The following ANO6 variants were observed in gnomAD, a reference collection of about 807,000 sequenced individuals.
ANO6 encodes the protein anoctamin-6.
Under a neutral mutation model 117.5 loss-of-function variants are expected in ANO6, and 106 were observed. That is an observed-to-expected ratio of 0.90 (90% CI 0.77 to 1.06). ANO6 has a LOEUF of 1.06. Among genes scored for constraint, ANO6 ranks in the 50% least tolerant of loss-of-function variants. The pLI is 0.00. For missense variants in ANO6, 955 were observed against 1,121.1 expected (o/e 0.85, Z 2.12); for synonymous variants, 367 against 385.1 (o/e 0.95, Z 0.55).
intron 4 of ANO6, 100 bp downstream of exon 4, chr12:45,347,187 G>T: frequency 8.9e-7 from 1 of 1,119,196 alleles, no homozygotes. Context: ...TGCAGCCCTG[G>T]CCACATCTTA....
intron 2 of ANO6, among the ~76,000 whole-genome samples, chr12:45,318,655 G>T (rs1041807241): frequency 6.6e-6 from 1 of 152,000 alleles, no homozygotes; most frequent in Admixed American, 6.6e-5. Context: ...TTCCAATTCT[G>T]TGAAGAAAGT....
intron 2 of ANO6, among the ~76,000 whole-genome samples, chr12:45,306,841 G>A (rs1312874665): frequency 6.6e-6 from 1 of 151,492 alleles, no homozygotes; most frequent in African/African-American, 2.4e-5. Flanking sequence ...GTGTTGGGGG[G>A]GTGGTGACAG....
At chr12:45,258,834 C>T (rs749615154) in intron 1 of ANO6, among the ~76,000 whole-genome samples, 8 of 152,164 alleles carry the variant, frequency 5.3e-5, no homozygotes, top group Non-Finnish European at 1.2e-4. Flanking sequence ...CTGTAAACTA[C>T]GAGCTGGAAA....
chr12:45,440,122 T>C, exon 20 of ANO6: 1 of 511,752 alleles, frequency 2.0e-6, no homozygotes, highest in Non-Finnish European at 3.0e-6. Context: ...ATGTATAGTT[T>C]TTTGTTGTTG....
chr12:45,324,125 C>T (rs968661695), intron 2 of ANO6, among the ~76,000 whole-genome samples: 123 of 151,856 alleles, frequency 8.1e-4, no homozygotes, highest in African/African-American at 2.6e-3. Context: ...TTAGTAGAGA[C>T]GGAGTTTCTC....
intron 1 of ANO6, among the ~76,000 whole-genome samples, chr12:45,230,231 G>C (rs1252628455): frequency 2.0e-5 from 3 of 152,050 alleles, no homozygotes; most frequent in African/African-American, 7.2e-5. Flanking sequence ...TAGGCAATCA[G>C]TAAGTTTTTG....
intron 1 of ANO6, among the ~76,000 whole-genome samples, chr12:45,255,700 G>A (rs753589004): frequency 9.2e-5 from 14 of 151,918 alleles, no homozygotes; most frequent in Non-Finnish European, 1.3e-4. Flanking sequence ...TGCAACAACC[G>A]TAGAATACAT....
At chr12:45,298,252 G>A (rs1939360709) in intron 1 of ANO6, among the ~76,000 whole-genome samples, 1 of 152,166 alleles carries the variant, frequency 6.6e-6, no homozygotes, top group African/African-American at 2.4e-5. Context: ...TACTTTTGCT[G>A]TATAAGGCTG....
At chr12:45,296,810 G>A (rs7304389) in intron 1 of ANO6, among the ~76,000 whole-genome samples, 139,546 of 152,202 alleles carry the variant, frequency 0.92, 64,637 homozygotes, top group Non-Finnish European at 0.99. Context: ...CTGTGAAAAC[G>A]AGGGACAAAA....
At chr12:45,279,278 T>C (rs1032812200) in intron 1 of ANO6, among the ~76,000 whole-genome samples, 17 of 152,242 alleles carry the variant, frequency 1.1e-4, no homozygotes, top group Non-Finnish European at 4.4e-5. Flanking sequence ...TGAGGGCTTA[T>C]AATTTAAATG....
At chr12:45,296,802 G>A (rs1428181381) in intron 1 of ANO6, among the ~76,000 whole-genome samples, 2 of 152,076 alleles carry the variant, frequency 1.3e-5, no homozygotes, top group East Asian at 1.9e-4. Context: ...TTCTTCATCT[G>A]TGAAAACGAG....
At chr12:45,295,987 A>G (rs1939281107) in intron 1 of ANO6, among the ~76,000 whole-genome samples, 1 of 151,900 alleles carries the variant, frequency 6.6e-6, no homozygotes, top group Non-Finnish European at 1.5e-5. Context: ...CAGCCTCCTG[A>G]GTAGCTGGGA....
intron 2 of ANO6, among the ~76,000 whole-genome samples, chr12:45,312,770 G>A (rs763144775): frequency 6.6e-6 from 1 of 151,936 alleles, no homozygotes; most frequent in African/African-American, 2.4e-5. Flanking sequence ...GTAGAATAAT[G>A]TGACCTGACA....
chr12:45,250,410 C>T (rs1283914687), intron 1 of ANO6, among the ~76,000 whole-genome samples: 3 of 151,972 alleles, frequency 2.0e-5, no homozygotes, highest in Admixed American at 6.6e-5. Context: ...ATTTATTTAT[C>T]GAGATGGGGT....
chr12:45,346,824 T>C (rs557655432), intron 3 of ANO6, among the ~76,000 whole-genome samples, 198 bp from the exon 4 acceptor site: 1 of 152,306 alleles, frequency 6.6e-6, no homozygotes. Context: ...GGCATTCTCT[T>C]GGGGATCCAA....
chr12:45,416,083 C>T (rs974232361), intron 16 of ANO6, among the ~76,000 whole-genome samples: 1 of 152,194 alleles, frequency 6.6e-6, no homozygotes, highest in Non-Finnish European at 1.5e-5. Flanking sequence ...CTGCAACTAA[C>T]TTCAAGATTC....
intron 11 of ANO6, among the ~76,000 whole-genome samples, chr12:45,389,743 G>A (rs75442280): frequency 0.016 from 2,429 of 152,258 alleles, 56 homozygotes; most frequent in East Asian, 0.097. Context: ...CGGTGCCTCA[G>A]TGACCTCATC....
intron 4 of ANO6, 45 bp from the exon 5 acceptor site, chr12:45,347,983 A>T (rs745658852): frequency 3.2e-6 from 5 of 1,581,558 alleles, no homozygotes; most frequent in Non-Finnish European, 4.3e-6. Flanking sequence ...TAAAATTGTG[A>T]AAAGAGTTGG....
At chr12:45,262,711 A>G (rs1251581068) in intron 1 of ANO6, among the ~76,000 whole-genome samples, 1 of 152,172 alleles carries the variant, frequency 6.6e-6, no homozygotes, top group Non-Finnish European at 1.5e-5. Flanking sequence ...GGCGTGAGCC[A>G]CTGCGCCCGG....
Sources: allele counts gnomAD v4.1 joint callset (sites outside exome capture counted in the v4.1 genomes callset), GRCh38; gene constraint gnomAD v4.1.1; transcripts MANE v1.5; gene names NCBI Gene and HGNC (gene_info 2026-07-23, HGNC 2026-07-21).